ZNF568: variants seen among roughly 807,000 people sequenced by gnomAD.
ZNF568 encodes the protein p53 inhibitor of SCO2 activation.
ZNF568 carries 11 observed loss-of-function variants against 18.1 expected under a neutral mutation model. That is an observed-to-expected ratio of 0.61 (90% CI 0.38 to 1.00). The LOEUF (loss-of-function observed/expected upper bound fraction) is 1.00. Ranked by LOEUF, ZNF568 falls within the 50% of genes least tolerant of loss-of-function variation. The pLI, the probability that ZNF568 is intolerant of heterozygous loss-of-function variation, is 0.01. For missense variants in ZNF568, 639 were observed against 768.2 expected, an observed-to-expected ratio of 0.83 and a Z score of 1.99; for synonymous variants, 213 against 246.6, an observed-to-expected ratio of 0.86 and a Z score of 1.28.
intron 2 of ZNF568, among the ~76,000 whole-genome samples, chr19:36,919,142 G>A (rs2073406816): frequency 6.6e-6 from 1 of 152,130 alleles, no homozygotes; most frequent in African/African-American, 2.4e-5. Flanking sequence ...ATATATACAT[G>A]TGGTAATGTC....
At chr19:36,935,218 G>A (rs181285415) in intron 4 of ZNF568, among the ~76,000 whole-genome samples, 170 of 152,162 alleles carry the variant, frequency 1.1e-3, no homozygotes, top group African/African-American at 3.7e-3. Flanking sequence ...TATGGTGTTT[G>A]AGTCTTCTAT....
At position 36,932,945 on chromosome 19, in the gene ZNF568, T is replaced by C. The variant is rs183884409; in HGVS notation, c.136-3801T>C. 3.7e-4 allele frequency among the ~76,000 whole-genome samples: 57 copies of C among 152,342 alleles called. 1 individual carries two copies. Among genetic ancestry groups the C allele is most frequent in the Admixed American group, 3.7e-3 (57 of 15,308 alleles). ...TATTCAAGTGTCATCAGATAAATGATTTGGAAATATTTTATCCTATCCTCT... is the reference window on the plus strand; with the variant it reads ...TATTCAAGTGTCATCAGATAAATGACTTGGAAATATTTTATCCTATCCTCT... On this transcript the variant is annotated intron_variant, in intron 4 of 6. Coordinates refer to ENST00000333987, the MANE Select transcript of ZNF568 (RefSeq NM_198539.4).
chr19:36,942,338 G>A (rs956006985), intron 6 of ZNF568, among the ~76,000 whole-genome samples: 3 of 151,508 alleles, frequency 2.0e-5, no homozygotes, highest in African/African-American at 4.8e-5. Context: ...GGCAGCTCAC[G>A]CCTGTAATCC....
intron 6 of ZNF568, among the ~76,000 whole-genome samples, chr19:36,963,454 T>A (rs1264859764): frequency 1.3e-5 from 2 of 152,190 alleles, no homozygotes; most frequent in African/African-American, 4.8e-5. Context: ...TCCTGGGGCA[T>A]AATTAATGAC....
Position 36,951,655 on chromosome 19 carries a change from T to TA in ZNF568, c.*573dup, listed in dbSNP as rs1281529692. The TA allele has an allele frequency of 2.1e-5, 3 of 140,284 alleles. No homozygotes were observed. In the East Asian group the frequency reaches 6.3e-4, roughly 30 times the overall value. The allele number at this position is 140,284 out of a possible 1,614,324, so 8.7% of individuals were successfully genotyped here. ...ATAAAATTACAACATTACGACATAC[T>TA]AAAAAATCAATATTCTTTTTTTTTT... On this transcript the variant is annotated 3_prime_UTR_variant, in exon 7 of 7. Transcript: ENST00000333987.
chr19:36,983,624 T>C (rs1707535303), downstream of ZNF568, among the ~76,000 whole-genome samples: 2 of 152,194 alleles, frequency 1.3e-5, no homozygotes, highest in African/African-American at 2.4e-5. Flanking sequence ...AAATATTCTG[T>C]TTTTACTGAC....
At chr19:36,978,330 C>T (rs958328605) in intron 7 of ZNF568, among the ~76,000 whole-genome samples, 1 of 152,146 alleles carries the variant, frequency 6.6e-6, no homozygotes. Flanking sequence ...CATTTCCTGC[C>T]CTGATTCCTG....
chr19:36,997,345 C>T (rs145587467), downstream of ZNF568: 66 of 1,601,676 alleles, frequency 4.1e-5, no homozygotes, highest in East Asian at 1.4e-4. Context: ...AGAACTTACC[C>T]GACATCAGAG....
chr19:36,991,793 A>G lies in ZNF568; in HGVS notation c.176A>G (p.Gln59Arg), dbSNP rs2074426549. ...CCAAATGTGATCTCCTTATTGGAGC[A>G]GAAGAAAGAGCCCTGGATGGTTAAG... Residue 59 changes from glutamine (Q) to arginine (R), a missense_variant, in exon 4 of 5, where the codon CAG (glutamine) becomes CGG (arginine). Transcript: ENST00000433993. The G allele has an allele frequency of 3.2e-6, 5 of 1,581,726 alleles. No homozygotes were observed. The East Asian group carries it at 1.1e-4, about 35-fold the overall frequency.
At chr19:36,961,426 G>A (rs2074148986) in intron 6 of ZNF568, among the ~76,000 whole-genome samples, 1 of 151,566 alleles carries the variant, frequency 6.6e-6, no homozygotes, top group Non-Finnish European at 1.5e-5. Flanking sequence ...CCAGTAAGGT[G>A]AGTTTTTTAT....
chr19:36,920,306 A>G (rs1204763237), intron 2 of ZNF568, among the ~76,000 whole-genome samples: 1 of 152,220 alleles, frequency 6.6e-6, no homozygotes. Flanking sequence ...ATGTGCTACT[A>G]CAAGAGTCAA....
intron 6 of ZNF568, among the ~76,000 whole-genome samples, chr19:36,963,897 G>A (rs2074173467): frequency 6.6e-6 from 1 of 150,990 alleles, no homozygotes; most frequent in Non-Finnish European, 1.5e-5. Flanking sequence ...AACCTGGGAG[G>A]TGGAGGTTGC....
chr19:36,942,184 G>T (rs1193344583), intron 6 of ZNF568, among the ~76,000 whole-genome samples: 1 of 151,668 alleles, frequency 6.6e-6, no homozygotes, highest in Non-Finnish European at 1.5e-5. Flanking sequence ...GTTTCACCAT[G>T]TTAGTCAGGC....
chr19:36,948,727 AGTT>A (rs904273692), intron 6 of ZNF568, among the ~76,000 whole-genome samples: 21 of 142,974 alleles, frequency 1.5e-4, no homozygotes, highest in African/African-American at 4.2e-4. Flanking sequence ...GAACAAAGAC[AGTT>A]GTTGTTTCGT....
intron 4 of ZNF568, among the ~76,000 whole-genome samples, chr19:36,932,589 T>G (rs2073706034): frequency 6.6e-6 from 1 of 151,350 alleles, no homozygotes; most frequent in African/African-American, 2.4e-5. Context: ...CGAAACTCCG[T>G]CCCCAGAAAA....
intron 2 of ZNF568, among the ~76,000 whole-genome samples, chr19:36,919,831 T>C (rs476194): frequency 0.41 from 61,985 of 152,028 alleles, 13,090 homozygotes; most frequent in Non-Finnish European, 0.44. Context: ...GTGATGCTGC[T>C]GTAAACAAAC....
intron 6 of ZNF568, among the ~76,000 whole-genome samples, chr19:36,970,710 T>C (rs890694372): frequency 1.3e-5 from 2 of 152,260 alleles, no homozygotes; most frequent in Middle Eastern, 6.8e-3. Context: ...TATAAATACA[T>C]TGAATAATCA....
At position 36,949,554 on chromosome 19, in the gene ZNF568, C is replaced by T. The variant is rs1365014229; in HGVS notation, c.401C>T (p.Thr134Ile). Residue 134 changes from threonine to isoleucine, a missense_variant, in exon 7 of 7, where the codon ACA becomes ATA. By Grantham distance (89) the Thr-to-Ile change is moderately conservative. Coordinates refer to ENST00000333987, the MANE Select transcript of ZNF568 (RefSeq NM_198539.4). ...VDEQIKKQQE[T>I]LVRKVTSISK... ...GAACAGATCAAGAAGCAACAGGAAA[C>T]ACTTGTGAGGAAAGTCACATCCATC... is the stretch of plus-strand genomic sequence containing the variant. 3 of 1,605,744 alleles carry T rather than the reference C, an allele frequency of 1.9e-6. No individual in the cohort carries two copies. The highest frequency in any genetic ancestry group is 2.5e-6 in the Non-Finnish European group (3 of 1,176,870).
intron 6 of ZNF568, 143 bp from the exon 7 acceptor site, chr19:36,949,369 A>G (rs778301281): frequency 4.3e-5 from 38 of 876,828 alleles, no homozygotes; most frequent in Non-Finnish European, 5.9e-5. Context: ...GGAACTAGGA[A>G]CATTTACTCT....
Sources: allele counts gnomAD v4.1 joint callset (sites outside exome capture counted in the v4.1 genomes callset), GRCh38; gene constraint gnomAD v4.1.1; transcripts MANE v1.5; gene names NCBI Gene and HGNC (gene_info 2026-07-23, HGNC 2026-07-21).